ASPH: variants seen among roughly 807,000 people sequenced by gnomAD.
ASPH encodes aspartyl/asparaginyl beta-hydroxylase.
In ASPH, 100 loss-of-function variants were observed where a neutral mutation model predicts 118.4. The observed-to-expected ratio is 0.84, with a 90% CI of 0.72 to 1.00. The LOEUF (loss-of-function observed/expected upper bound fraction) is 1.00, where lower values mean the gene tolerates loss of function less well. Among genes scored for constraint, ASPH ranks in the 50% least tolerant of loss-of-function variants. ASPH has a pLI of 0.00. For synonymous variants in ASPH, 315 were observed against 325.6 expected (o/e 0.97, Z 0.35); for missense variants, 920 against 919.5 (o/e 1.00, Z -0.01).
intron 10 of ASPH, among the ~76,000 whole-genome samples, chr8:61,639,786 T>C (rs1804210484): frequency 6.6e-6 from 1 of 152,136 alleles, no homozygotes; most frequent in Non-Finnish European, 1.5e-5. Context: ...AATCTCACTA[T>C]CATCATGTAA....
At chr8:61,547,189 C>T (rs1014431105) in intron 21 of ASPH, among the ~76,000 whole-genome samples, 1 of 152,176 alleles carries the variant, frequency 6.6e-6, no homozygotes, top group African/African-American at 2.4e-5. Context: ...TCTGACCAGT[C>T]CCTACCAAAG....
At chr8:61,504,029 T>C (rs1805491392) in intron 24 of ASPH, among the ~76,000 whole-genome samples, 2 of 152,166 alleles carry the variant, frequency 1.3e-5, no homozygotes, top group South Asian at 4.1e-4. Flanking sequence ...AATGGGCAGA[T>C]TGGGAATAAA....
chr8:61,644,084 A>G, intron 7 of ASPH, 83 bp from the exon 8 acceptor site: 1 of 1,077,560 alleles, frequency 9.3e-7, no homozygotes, highest in South Asian at 1.4e-5. Flanking sequence ...CACAATTTCT[A>G]GTTATGATTG....
intron 24 of ASPH, among the ~76,000 whole-genome samples, chr8:61,512,210 C>T (rs1488535299): frequency 1.3e-5 from 2 of 152,262 alleles, no homozygotes; most frequent in Admixed American, 6.5e-5. Context: ...TGTCCCCCTT[C>T]CCTGCTAAAA....
At chr8:61,571,421 T>C (rs1833448198) in intron 16 of ASPH, among the ~76,000 whole-genome samples, 1 of 152,176 alleles carries the variant, frequency 6.6e-6, no homozygotes, top group South Asian at 2.1e-4. Context: ...TAAAATGGTA[T>C]AGTATTTGCA....
chr8:61,670,574 G>A (rs1821940673), intron 3 of ASPH, among the ~76,000 whole-genome samples: 2 of 152,054 alleles, frequency 1.3e-5, no homozygotes, highest in Non-Finnish European at 2.9e-5. Flanking sequence ...CCTAGATTCT[G>A]AGGGGAACAG....
chr8:61,673,243 C>T (rs1823516464), intron 3 of ASPH, among the ~76,000 whole-genome samples: 1 of 152,176 alleles, frequency 6.6e-6, no homozygotes, highest in Non-Finnish European at 1.5e-5. Context: ...CCCAGGGCAG[C>T]AGGCTGACAG....
chr8:61,653,623 C>T lies in ASPH; in HGVS notation c.360G>A (p.Pro120=), dbSNP rs760519284. Residue 120 remains proline, a synonymous_variant, in exon 4 of 25, where the codon CCG becomes CCA. Transcript: ENST00000379454. ...KERSTSEPAV[P]PEEAEPHTEP... ...CAGTGTGTGGCTCAGCCTCTTCTGG[C>T]GGGACTGCTGGCTCTGAAGTAGATC... 1.5e-5 allele frequency: 25 copies of T among 1,613,880 alleles called. No homozygotes were observed. The East Asian group carries it at 1.8e-4, about 12-fold the overall frequency.
At chr8:61,687,364 T>C (rs1341447567) in intron 1 of ASPH, 2 of 152,226 alleles carry the variant, frequency 1.3e-5, no homozygotes, top group Non-Finnish European at 2.9e-5. Flanking sequence ...GGGATTCAGA[T>C]GGGAAGGAGA....
At chr8:61,638,898 T>G (rs1859150584) in intron 10 of ASPH, among the ~76,000 whole-genome samples, 3 of 152,206 alleles carry the variant, frequency 2.0e-5, no homozygotes, top group Non-Finnish European at 2.9e-5. Flanking sequence ...CAGGGCCCAG[T>G]GGCTCAAAGC....
intron 22 of ASPH, among the ~76,000 whole-genome samples, chr8:61,524,522 AC>A (rs1814485813): frequency 6.6e-6 from 1 of 152,216 alleles, no homozygotes; most frequent in African/African-American, 2.4e-5. Flanking sequence ...GAAAGAAAGA[AC>A]ATGTAAATTC....
At chr8:61,672,596 A>G (rs1447943527) in intron 3 of ASPH, among the ~76,000 whole-genome samples, 1 of 152,060 alleles carries the variant, frequency 6.6e-6, no homozygotes, top group East Asian at 1.9e-4. Context: ...CCAGCATATG[A>G]CATTATTCAT....
At chr8:61,644,085 G>A (rs1229892301) in intron 7 of ASPH, 84 bp from the exon 8 acceptor site, 1 of 1,073,302 alleles carries the variant, frequency 9.3e-7, no homozygotes, top group Non-Finnish European at 1.4e-6. Context: ...ACAATTTCTA[G>A]TTATGATTGA....
chr8:61,626,712 ATT>A (rs1284563841), intron 13 of ASPH, among the ~76,000 whole-genome samples: 118 of 121,862 alleles, frequency 9.7e-4, no homozygotes, highest in Non-Finnish European at 1.5e-3. Flanking sequence ...TAAATTTTAA[ATT>A]AAAATAAATT....
intron 14 of ASPH, among the ~76,000 whole-genome samples, chr8:61,587,695 C>G (rs1244455032): frequency 6.6e-6 from 1 of 152,168 alleles, no homozygotes; most frequent in Non-Finnish European, 1.5e-5. Flanking sequence ...AGCATGCCAC[C>G]ATGTTCTATC....
At chr8:61,662,884 T>G in intron 3 of ASPH, 1 of 984,476 alleles carries the variant, frequency 1.0e-6, no homozygotes, top group Non-Finnish European at 1.2e-6. Context: ...ATTAGGTTAT[T>G]CCAAAATATT....
At chr8:61,708,102 T>A (rs544015359) in intron 1 of ASPH, among the ~76,000 whole-genome samples, 1 of 152,222 alleles carries the variant, frequency 6.6e-6, no homozygotes, top group African/African-American at 2.4e-5. Context: ...AGGAATCTGA[T>A]AATGTTTCAT....
intron 3 of ASPH, among the ~76,000 whole-genome samples, chr8:61,674,115 A>G (rs1479401809): frequency 6.6e-6 from 1 of 152,240 alleles, no homozygotes; most frequent in Non-Finnish European, 1.5e-5. Context: ...CTTATCAATT[A>G]ATCGAATATC....
intron 1 of ASPH, chr8:61,687,639 G>A (rs1031700783): frequency 2.6e-4 from 40 of 152,280 alleles, no homozygotes; most frequent in African/African-American, 9.4e-4. Context: ...CTTTCAGGCA[G>A]AATCCCTGAC....
Sources: gnomAD v4.1 joint callset for allele counts (sites outside exome capture counted in the v4.1 genomes callset) on GRCh38, gnomAD v4.1.1 for gene constraint, MANE v1.5 for transcripts, NCBI Gene and HGNC (gene_info 2026-07-23, HGNC 2026-07-21) for gene names.